Variants in ANO4 observed in about 807,000 individuals in gnomAD.
The protein encoded by ANO4 is anoctamin-4.
A neutral mutation model predicts 141.9 loss-of-function variants in ANO4; 69 were observed. That is an observed-to-expected ratio of 0.49 (90% CI 0.40 to 0.59). The LOEUF is 0.59. ANO4 is among the 20% of genes least tolerant of loss of function. The pLI, the probability that ANO4 is intolerant of heterozygous loss-of-function variation, is 0.00. For missense variants in ANO4, 894 were observed against 1,162.2 expected (o/e 0.77, Z 3.36); for synonymous variants, 350 against 394.3 (o/e 0.89, Z 1.33).
At chr12:100,806,534 T>TG (rs1565891316) in intron 1 of ANO4, among the ~76,000 whole-genome samples, 36 of 36,900 alleles carry the variant, frequency 9.8e-4, no homozygotes, top group Non-Finnish European at 1.4e-3. Flanking sequence ...GTTTTTTTTT[T>TG]TTTTTTTTTT....
At chr12:101,081,375 C>G (rs1213119719) in intron 15 of ANO4, among the ~76,000 whole-genome samples, 1 of 152,058 alleles carries the variant, frequency 6.6e-6, no homozygotes, top group Non-Finnish European at 1.5e-5. Context: ...GTGGTGGGCC[C>G]CTGATGTGGG....
chr12:101,021,830 G>A (rs368791167), intron 9 of ANO4, among the ~76,000 whole-genome samples: 6 of 151,800 alleles, frequency 4.0e-5, no homozygotes, highest in African/African-American at 1.2e-4. Context: ...ACATTTGTTC[G>A]AATAGAAAAG....
intron 5 of ANO4, among the ~76,000 whole-genome samples, chr12:100,947,535 A>G (rs1391968720): frequency 6.6e-6 from 1 of 152,198 alleles, no homozygotes; most frequent in Non-Finnish European, 1.5e-5. Context: ...CACAAACAAT[A>G]CAATTTGTGG....
chr12:100,765,599 C>T (rs573996927), intron 3 of ANO4, among the ~76,000 whole-genome samples: 1 of 150,848 alleles, frequency 6.6e-6, no homozygotes, highest in Non-Finnish European at 1.5e-5. Flanking sequence ...TGGCTTTGAA[C>T]TCCTGGGCTC....
chr12:101,123,107 C>T (rs1181228899), intron 26 of ANO4, among the ~76,000 whole-genome samples: 3 of 152,170 alleles, frequency 2.0e-5, no homozygotes, highest in South Asian at 2.1e-4. Context: ...GGTTGCCTCT[C>T]GGCTTGGATC....
chr12:100,749,288 T>G (rs1480021361), intron 3 of ANO4, among the ~76,000 whole-genome samples: 1 of 152,212 alleles, frequency 6.6e-6, no homozygotes, highest in Non-Finnish European at 1.5e-5. Flanking sequence ...AATGGACATT[T>G]GTGAGCAAGC....
At chr12:100,996,411 G>A (rs147405572) in intron 8 of ANO4, among the ~76,000 whole-genome samples, 1 of 152,346 alleles carries the variant, frequency 6.6e-6, no homozygotes, top group Admixed American at 6.5e-5. Context: ...TTGGCTGGGT[G>A]CAGTGGCTCA....
At chr12:101,070,592 G>A (rs528127546) in intron 14 of ANO4, among the ~76,000 whole-genome samples, 1 of 152,184 alleles carries the variant, frequency 6.6e-6, no homozygotes, top group East Asian at 1.9e-4. Flanking sequence ...AACTCTCCAA[G>A]ACATGAGACT....
chr12:100,806,046 G>C (rs1048244886), intron 1 of ANO4, among the ~76,000 whole-genome samples: 5 of 152,142 alleles, frequency 3.3e-5, no homozygotes, highest in African/African-American at 7.2e-5. Flanking sequence ...AGGGATGAAG[G>C]CTCCTTAGGT....
At chr12:100,793,123 C>T (rs1410766533), upstream of ANO4, among the ~76,000 whole-genome samples, 1 of 152,124 alleles carries the variant, frequency 6.6e-6, no homozygotes, top group Non-Finnish European at 1.5e-5. Flanking sequence ...TTAAATTTGT[C>T]CATGAGACTG....
chr12:100,942,630 A>G (rs2042566480), intron 5 of ANO4, 95 bp downstream of exon 5: 1 of 1,317,188 alleles, frequency 7.6e-7, no homozygotes, highest in South Asian at 1.6e-5. Flanking sequence ...TGTTAACCAA[A>G]CATTTCATTT....
chr12:100,846,197 G>T (rs1383105072), intron 1 of ANO4, among the ~76,000 whole-genome samples: 1 of 152,204 alleles, frequency 6.6e-6, no homozygotes, highest in Non-Finnish European at 1.5e-5. Flanking sequence ...AACCTTGAAT[G>T]AATTAGTAGT....
At chr12:101,007,486 G>T (rs947178222) in intron 8 of ANO4, among the ~76,000 whole-genome samples, 1 of 152,172 alleles carries the variant, frequency 6.6e-6, no homozygotes, top group African/African-American at 2.4e-5. Context: ...TCTGAAGTGG[G>T]TGTTATGGTT....
intron 1 of ANO4, among the ~76,000 whole-genome samples, chr12:100,820,535 G>A (rs1229021364): frequency 6.6e-6 from 1 of 151,956 alleles, no homozygotes. Flanking sequence ...AAAAATGTAA[G>A]TCGGCAAGCT....
chr12:101,113,131 T>C (rs776742787), intron 24 of ANO4, among the ~76,000 whole-genome samples: 3 of 152,156 alleles, frequency 2.0e-5, no homozygotes, highest in Non-Finnish European at 4.4e-5. Context: ...CAAGGCATAG[T>C]AACTCTGGGA....
At chr12:101,062,941 AT>A (rs2048411782) in intron 14 of ANO4, among the ~76,000 whole-genome samples, 1 of 152,204 alleles carries the variant, frequency 6.6e-6, no homozygotes, top group Non-Finnish European at 1.5e-5. Flanking sequence ...ATGAAAAATA[AT>A]TCCTACAACT....
rs1436878316 is a variant in ANO4, at chr12:101,071,254, T to G, written c.1313-7939T>G. Among the ~76,000 whole-genome samples the G allele has an allele frequency of 2.0e-5, 3 of 151,990 alleles. No homozygotes were observed. In the East Asian group the frequency reaches 5.8e-4, roughly 29 times the overall value. On this transcript the variant is annotated intron_variant, in intron 14 of 27. Transcript: ENST00000392977. ...TAGCACTGTTCACAATAGCCAAGATTTGGAGGCAACCTAAGTGTCCATCAG... is the reference window on the plus strand; with the variant it reads ...TAGCACTGTTCACAATAGCCAAGATGTGGAGGCAACCTAAGTGTCCATCAG...
chr12:100,875,977 A>C (rs1368152936), intron 1 of ANO4, among the ~76,000 whole-genome samples: 1 of 152,150 alleles, frequency 6.6e-6, no homozygotes, highest in African/African-American at 2.4e-5. Flanking sequence ...ATTTTTAAAC[A>C]AAGTACAACC....
At chr12:101,090,586 C>T (rs1429913998) in intron 17 of ANO4, among the ~76,000 whole-genome samples, 1 of 151,962 alleles carries the variant, frequency 6.6e-6, no homozygotes, top group East Asian at 1.9e-4. Flanking sequence ...CATCACACAC[C>T]AGGGCCTGCC....
Sources: gnomAD v4.1 joint callset for allele counts (sites outside exome capture counted in the v4.1 genomes callset) on GRCh38, gnomAD v4.1.1 for gene constraint, MANE v1.5 for transcripts, NCBI Gene and HGNC (gene_info 2026-07-23, HGNC 2026-07-21) for gene names.